The following KLHL29 variants were observed in gnomAD, a reference collection of about 807,000 sequenced individuals.
The protein encoded by KLHL29 is kelch like family member 29.
KLHL29 carries 21 observed loss-of-function variants against 80.4 expected under a neutral mutation model. The observed-to-expected ratio is 0.26, with a 90% CI of 0.19 to 0.38. The LOEUF (loss-of-function observed/expected upper bound fraction) is 0.38, where lower values mean the gene tolerates loss of function less well. Among genes scored for constraint, KLHL29 ranks in the 10% least tolerant of loss-of-function variants. KLHL29 has a pLI of 1.00. For synonymous variants in KLHL29, 511 were observed against 526.8 expected, an observed-to-expected ratio of 0.97 and a Z score of 0.41; for missense variants, 867 against 1,223.9, an observed-to-expected ratio of 0.71 and a Z score of 4.35.
intron 2 of KLHL29, among the ~76,000 whole-genome samples, chr2:23,551,972 G>A (rs930955797): frequency 2.0e-5 from 3 of 152,246 alleles, no homozygotes; most frequent in Non-Finnish European, 4.4e-5. Flanking sequence ...TATAAAATGC[G>A]AAGGTCAGTG....
Position 23,451,745 on chromosome 2 carries a change from A to G in KLHL29, c.-153-23815A>G, listed in dbSNP as rs1663884421. On this transcript the variant is annotated intron_variant, in intron 1 of 13. Transcript: ENST00000486442. ...TTAACAGGAATAGTAGAAGGGATCAACGTTGACCCAGAAAACTGGCCCACA... is the reference window on the plus strand; with the variant it reads ...TTAACAGGAATAGTAGAAGGGATCAGCGTTGACCCAGAAAACTGGCCCACA... Among the ~76,000 whole-genome samples the G allele has an allele frequency of 2.0e-5, 3 of 152,258 alleles. No individual in the cohort carries two copies. In the South Asian group the frequency reaches 6.2e-4, roughly 31 times the overall value.
intron 1 of KLHL29, among the ~76,000 whole-genome samples, chr2:23,435,348 G>C (rs1663308547): frequency 6.6e-6 from 1 of 152,210 alleles, no homozygotes; most frequent in Non-Finnish European, 1.5e-5. Flanking sequence ...GGTCACAGGT[G>C]CACATTTGGA....
intron 1 of KLHL29, among the ~76,000 whole-genome samples, chr2:23,458,874 CT>C (rs1664134915): frequency 6.6e-6 from 1 of 152,198 alleles, no homozygotes; most frequent in South Asian, 2.1e-4. Context: ...TGCCTCCAGT[CT>C]TTATCTGAGT....
intron 6 of KLHL29, 94 bp from the exon 7 acceptor site, chr2:23,691,580 C>T (rs551099910): frequency 4.3e-5 from 45 of 1,052,998 alleles, no homozygotes; most frequent in African/African-American, 4.2e-4. Flanking sequence ...AAACCAAGGG[C>T]ATGACCAAGG....
At chr2:23,408,384 A>G (rs1223989082) in intron 1 of KLHL29, among the ~76,000 whole-genome samples, 4 of 150,168 alleles carry the variant, frequency 2.7e-5, no homozygotes, top group Non-Finnish European at 5.9e-5. Context: ...TTTGGACTAC[A>G]TTATTGAGTC....
At chr2:23,589,130 T>C (rs1668190842) in intron 3 of KLHL29, among the ~76,000 whole-genome samples, 1 of 152,258 alleles carries the variant, frequency 6.6e-6, no homozygotes, top group Non-Finnish European at 1.5e-5. Flanking sequence ...TCTGTGAATT[T>C]AATATAATCA....
chr2:23,586,950 G>T (rs1046591080), intron 3 of KLHL29, among the ~76,000 whole-genome samples: 3 of 152,152 alleles, frequency 2.0e-5, no homozygotes, highest in African/African-American at 7.2e-5. Context: ...TGGCCGGAAG[G>T]ATATAAAAAC....
At chr2:23,385,931 AG>A (rs1352647830) in intron 1 of KLHL29, among the ~76,000 whole-genome samples, 151 bp downstream of exon 1, 2 of 149,880 alleles carry the variant, frequency 1.3e-5, no homozygotes, top group African/African-American at 4.9e-5. Flanking sequence ...CGGCGGCGAC[AG>A]GAGCCTCCCG....
At chr2:23,479,268 A>G (rs925558726) in intron 2 of KLHL29, among the ~76,000 whole-genome samples, 1 of 151,304 alleles carries the variant, frequency 6.6e-6, no homozygotes. Flanking sequence ...CAGATCCCTC[A>G]ACAGAACCTC....
chr2:23,669,750 G>C lies in KLHL29; in HGVS notation c.941-14649G>C, dbSNP rs1401194422. 6.6e-6 allele frequency among the ~76,000 whole-genome samples: 1 copy of C among 152,140 alleles called. No individual in the cohort carries two copies. Among genetic ancestry groups the C allele is most frequent in the Non-Finnish European group, 1.5e-5 (1 of 68,010 alleles). The stretch of plus-strand genomic sequence containing the variant: ...GTGGCCGGTGCCCAGCTCATTTAGA[G>C]CTGAGGCCCCCAGAACCCAGGGCTG... On this transcript the variant is annotated intron_variant, in intron 5 of 13. Transcript: ENST00000486442. This position sits in a 1 kb window ranked among gnomAD's most constrained non-coding sequence, Gnocchi z 4.3.
At chr2:23,630,314 C>T (rs537653709) in intron 3 of KLHL29, among the ~76,000 whole-genome samples, 7 of 152,274 alleles carry the variant, frequency 4.6e-5, no homozygotes, top group Non-Finnish European at 7.3e-5. Context: ...ATGGCATGAG[C>T]GCAGCCTTGA....
intron 1 of KLHL29, among the ~76,000 whole-genome samples, chr2:23,444,301 T>TTA (rs1389262004): frequency 6.6e-6 from 1 of 152,182 alleles, no homozygotes; most frequent in East Asian, 1.9e-4. Context: ...TTTTACCTTT[T>TTA]TATATATATT....
intron 2 of KLHL29, among the ~76,000 whole-genome samples, chr2:23,526,156 T>A (rs1045516522): frequency 1.3e-5 from 2 of 152,190 alleles, no homozygotes; most frequent in Admixed American, 1.3e-4. Flanking sequence ...GAGTAGAAGA[T>A]TCTGGAGCCT....
At chr2:23,516,294 G>A (rs765193914) in intron 2 of KLHL29, among the ~76,000 whole-genome samples, 7 of 152,172 alleles carry the variant, frequency 4.6e-5, no homozygotes, top group Non-Finnish European at 1.0e-4. Context: ...GCAACTATTC[G>A]AAGGCAGCAC....
intron 2 of KLHL29, among the ~76,000 whole-genome samples, chr2:23,490,099 C>T (rs566851041): frequency 3.9e-5 from 6 of 152,356 alleles, no homozygotes; most frequent in African/African-American, 9.6e-5. Flanking sequence ...CGAGGATGCG[C>T]GTGCAGGCGC....
intron 1 of KLHL29, among the ~76,000 whole-genome samples, chr2:23,433,028 T>G (rs1663227896): frequency 6.6e-6 from 1 of 152,138 alleles, no homozygotes. Context: ...CTGGTGCTGA[T>G]TCCTTGCTGA....
rs148252931 is a variant in KLHL29, at chr2:23,505,970, G to A, written c.-46+30303G>A. ...CCAATGCCAGGCAGCTCCCAGCCAGGCTAATTAGGTCAGCCTCCCCCGATC... is the reference window on the plus strand; with the variant it reads ...CCAATGCCAGGCAGCTCCCAGCCAGACTAATTAGGTCAGCCTCCCCCGATC... On this transcript the variant is annotated intron_variant, in intron 2 of 13. Transcript: ENST00000486442. Among the ~76,000 whole-genome samples, 7 of 152,272 alleles carry A rather than the reference G, an allele frequency of 4.6e-5. No individual in the cohort carries two copies. In the South Asian group the frequency reaches 1.2e-3, roughly 27 times the overall value.
chr2:23,597,216 C>T (rs1668428548), intron 3 of KLHL29, among the ~76,000 whole-genome samples: 1 of 150,662 alleles, frequency 6.6e-6, no homozygotes, highest in Admixed American at 6.6e-5. Flanking sequence ...CTGATGAGGG[C>T]ATTGTTTCCT....
intron 2 of KLHL29, among the ~76,000 whole-genome samples, chr2:23,514,070 G>A (rs1441475967): frequency 6.6e-6 from 1 of 152,188 alleles, no homozygotes; most frequent in Admixed American, 6.5e-5. Flanking sequence ...GTTAGAACCT[G>A]TGTTTATTGC....
Sources: gnomAD v4.1 joint callset for allele counts (sites outside exome capture counted in the v4.1 genomes callset) on GRCh38, gnomAD v4.1.1 for gene constraint, Gnocchi (gnomAD v3.1) non-coding constraint, MANE v1.5 for transcripts, NCBI Gene and HGNC (gene_info 2026-07-23, HGNC 2026-07-21) for gene names.